The following LRP1B variants were observed in gnomAD, a reference collection of about 807,000 sequenced individuals.
The protein encoded by LRP1B is low-density lipoprotein receptor-related protein 1B.
A neutral mutation model predicts 556.6 loss-of-function variants in LRP1B; 217 were observed. That is an observed-to-expected ratio of 0.39 (90% CI 0.35 to 0.44). LRP1B has a LOEUF of 0.44. LRP1B is among the 20% of genes least tolerant of loss of function. The pLI, the probability that LRP1B is intolerant of heterozygous loss-of-function variation, is 1.00. For missense variants in LRP1B, 5,053 were observed against 5,620.8 expected, an observed-to-expected ratio of 0.90 and a Z score of 3.23; for synonymous variants, 2,047 against 1,865.8, an observed-to-expected ratio of 1.10 and a Z score of -2.50.
intron 1 of LRP1B, among the ~76,000 whole-genome samples, chr2:142,031,165 A>T (rs1255549897): frequency 1.3e-5 from 2 of 151,642 alleles, no homozygotes; most frequent in African/African-American, 4.8e-5. Context: ...ATATAATATG[A>T]TATAGCTTTC....
Position 140,506,735 on chromosome 2 carries a change from T to C in LRP1B, c.8521+61A>G. ...TTGTTGCTTTAGTTTTTTATTTACA[T>C]ACTAGTTTTGAAAGACTCTTAGCCT... On this transcript the variant is annotated intron_variant, in intron 53 of 90. Transcript: ENST00000389484. 1.9e-6 allele frequency: 3 copies of C among 1,551,212 alleles called. No individual in the cohort carries two copies. The South Asian group carries it at 3.6e-5, about 19-fold the overall frequency.
chr2:141,064,706 T>C (rs1256115583), intron 7 of LRP1B, among the ~76,000 whole-genome samples: 1 of 151,974 alleles, frequency 6.6e-6, no homozygotes, highest in African/African-American at 2.4e-5. Flanking sequence ...TGTGTGCTTG[T>C]TTTTAGTGGT....
At chr2:141,322,365 C>G (rs1202728056) in intron 3 of LRP1B, among the ~76,000 whole-genome samples, 1 of 152,060 alleles carries the variant, frequency 6.6e-6, no homozygotes, top group Non-Finnish European at 1.5e-5. Flanking sequence ...AATAGAAAAT[C>G]TCTACCTGAT....
intron 11 of LRP1B, among the ~76,000 whole-genome samples, chr2:141,031,547 C>T (rs1051863278): frequency 7.9e-5 from 12 of 151,782 alleles, no homozygotes; most frequent in African/African-American, 2.4e-4. Context: ...GCTATATAGG[C>T]GACTTGCCAA....
In LRP1B at chr2:140,456,534, G is replaced by A; in HGVS notation, c.9884C>T (p.Thr3295Ile). 6.2e-7 allele frequency: 1 copy of A among 1,613,372 alleles called. No individual in the cohort carries two copies. Among genetic ancestry groups the A allele is most frequent in the Non-Finnish European group, 8.5e-7 (1 of 1,179,558 alleles). The change falls in exon 62 of 91, where the codon ACC becomes ATC. Residue 3295 changes from threonine to isoleucine, a missense_variant. Thr to Ile is a moderately conservative substitution (Grantham distance 89, BLOSUM62 -1). Transcript: ENST00000389484. ...SHLCLLAPGK[T>I]HTCACPTNFY... ...GTTAGTGGGACATGCACAAGTGTGG[G>A]TTTTTCCAGGGGCTAAAAGGCACAA...
intron 27 of LRP1B, among the ~76,000 whole-genome samples, chr2:140,866,706 C>T (rs572752937): frequency 6.5e-4 from 99 of 152,054 alleles, no homozygotes; most frequent in Non-Finnish European, 9.4e-4. Flanking sequence ...GGAGAATGAA[C>T]GCAACACACT....
chr2:141,378,866 TA>T (rs1160841292), intron 3 of LRP1B, among the ~76,000 whole-genome samples: 2 of 152,110 alleles, frequency 1.3e-5, no homozygotes, highest in Non-Finnish European at 2.9e-5. Context: ...GAACAGACAC[TA>T]AGAAACCTGT....
intron 7 of LRP1B, among the ~76,000 whole-genome samples, chr2:141,118,445 T>C (rs1700960835): frequency 6.6e-6 from 1 of 151,952 alleles, no homozygotes; most frequent in African/African-American, 2.4e-5. Context: ...CATCATTCTA[T>C]TTCTAATAAT....
chr2:141,693,891 G>A (rs1371216637), intron 2 of LRP1B, among the ~76,000 whole-genome samples: 1 of 151,970 alleles, frequency 6.6e-6, no homozygotes, highest in Non-Finnish European at 1.5e-5. Context: ...AAGACATTCA[G>A]GTTGTAGATG....
At chr2:141,334,033 A>G (rs1311817517) in intron 3 of LRP1B, among the ~76,000 whole-genome samples, 1 of 152,230 alleles carries the variant, frequency 6.6e-6, no homozygotes, top group Non-Finnish European at 1.5e-5. Flanking sequence ...TATTATGAAA[A>G]GAAAAGTTTG....
intron 31 of LRP1B, among the ~76,000 whole-genome samples, chr2:140,815,867 C>CTT (rs36080198): frequency 1.2e-4 from 11 of 91,240 alleles, no homozygotes; most frequent in South Asian, 6.1e-4. Context: ...TGTTGTCTCT[C>CTT]TTTTTTTTTT....
At chr2:140,881,637 C>G (rs1401353386) in intron 25 of LRP1B, among the ~76,000 whole-genome samples, 1 of 151,532 alleles carries the variant, frequency 6.6e-6, no homozygotes, top group Admixed American at 6.6e-5. Flanking sequence ...ATTTTGTTAC[C>G]CTATTTTAAA....
At chr2:142,096,439 A>ATT (rs10631216) in intron 1 of LRP1B, among the ~76,000 whole-genome samples, 32,110 of 146,780 alleles carry the variant, frequency 0.22, 3,717 homozygotes, top group South Asian at 0.42. Context: ...AATAAATTGT[A>ATT]TTTTTTTTTT....
At chr2:140,884,350 AT>A (rs1007450008) in intron 24 of LRP1B, among the ~76,000 whole-genome samples, 3 of 152,280 alleles carry the variant, frequency 2.0e-5, no homozygotes, top group Non-Finnish European at 4.4e-5. Context: ...AGAGCAAAGG[AT>A]TTTGGAAACA....
chr2:140,415,593 G>A (rs1685158226), intron 66 of LRP1B, among the ~76,000 whole-genome samples: 1 of 152,112 alleles, frequency 6.6e-6, no homozygotes, highest in African/African-American at 2.4e-5. Context: ...GAAATATTGG[G>A]GGTGGGTTCC....
intron 2 of LRP1B, among the ~76,000 whole-genome samples, chr2:141,749,633 G>C (rs1186084882): frequency 6.6e-6 from 1 of 152,068 alleles, no homozygotes; most frequent in Non-Finnish European, 1.5e-5. Context: ...GTCTACACAG[G>C]GCAATTTTAT....
chr2:140,840,820 A>T (rs1573789899), intron 30 of LRP1B, 98 bp downstream of exon 30: 1 of 815,486 alleles, frequency 1.2e-6, no homozygotes, highest in Admixed American at 3.0e-5. Context: ...TATGGCTGTT[A>T]TATATATATC....
intron 85 of LRP1B, among the ~76,000 whole-genome samples, 190 bp from the exon 86 acceptor site, chr2:140,270,536 A>G (rs1244196858): frequency 2.6e-5 from 4 of 151,900 alleles, no homozygotes; most frequent in Admixed American, 1.3e-4. Context: ...ATGTCATAAA[A>G]TTTTTCTTCT....
chr2:141,139,732 TTA>T (rs1202318776), intron 7 of LRP1B, among the ~76,000 whole-genome samples: 1 of 151,718 alleles, frequency 6.6e-6, no homozygotes. Flanking sequence ...ACTGAAATTC[TTA>T]TATATTACTG....
Sources: allele counts gnomAD v4.1 joint callset (sites outside exome capture counted in the v4.1 genomes callset), GRCh38; gene constraint gnomAD v4.1.1; transcripts MANE v1.5; gene names NCBI Gene and HGNC (gene_info 2026-07-23, HGNC 2026-07-21).